FBXW7: variants seen among roughly 807,000 people sequenced by gnomAD.
The protein encoded by FBXW7 is F-box and WD repeat domain containing 7, also known as F-box/WD repeat-containing protein 7.
FBXW7 carries 11 observed loss-of-function variants against 86.3 expected under a neutral mutation model. The observed-to-expected ratio is 0.13, with a 90% CI of 0.08 to 0.21. The LOEUF is 0.21. FBXW7 is among the 10% of genes least tolerant of loss of function. FBXW7 has a pLI of 1.00. For missense variants in FBXW7, 488 were observed against 847.4 expected (o/e 0.58, Z 5.27); for synonymous variants, 313 against 297.9 (o/e 1.05, Z -0.52).
intron 2 of FBXW7, among the ~76,000 whole-genome samples, chr4:152,471,692 A>T (rs1350050881): frequency 6.6e-6 from 1 of 152,128 alleles, no homozygotes; most frequent in Non-Finnish European, 1.5e-5. Context: ...TGAGGCCAGG[A>T]GTCCGAGATT....
At chr4:152,523,666 A>T (rs1749229669) in intron 2 of FBXW7, among the ~76,000 whole-genome samples, 1 of 152,202 alleles carries the variant, frequency 6.6e-6, no homozygotes, top group Non-Finnish European at 1.5e-5. Flanking sequence ...AGTCTATGAT[A>T]CGCTTTTAGG....
At chr4:152,435,174 T>C (rs1193274908) in intron 2 of FBXW7, among the ~76,000 whole-genome samples, 1 of 151,536 alleles carries the variant, frequency 6.6e-6, no homozygotes, top group Admixed American at 6.6e-5. Context: ...GACATACTTC[T>C]TCATAATCAC....
chr4:152,351,519 T>G (rs1731813655), intron 4 of FBXW7, among the ~76,000 whole-genome samples: 1 of 152,102 alleles, frequency 6.6e-6, no homozygotes, highest in Non-Finnish European at 1.5e-5. Context: ...CCAAATAATT[T>G]TATTAAAAAG....
chr4:152,465,550 A>ATAT (rs1743327403), intron 2 of FBXW7, among the ~76,000 whole-genome samples: 1 of 152,174 alleles, frequency 6.6e-6, no homozygotes, highest in African/African-American at 2.4e-5. Flanking sequence ...GTATAGAACA[A>ATAT]TATTACCCAT....
At chr4:152,416,495 C>T (rs1233797109) in intron 2 of FBXW7, among the ~76,000 whole-genome samples, 2 of 152,090 alleles carry the variant, frequency 1.3e-5, no homozygotes, top group East Asian at 3.8e-4. Context: ...ATTAATACTT[C>T]GAAAACAATT....
chr4:152,423,035 A>C (rs1054994105), intron 2 of FBXW7, among the ~76,000 whole-genome samples: 3 of 152,060 alleles, frequency 2.0e-5, no homozygotes, highest in Non-Finnish European at 4.4e-5. Flanking sequence ...TGGTCTCTTT[A>C]TTTGTGGCAA....
chr4:152,482,647 T>A (rs1744986030), intron 2 of FBXW7, among the ~76,000 whole-genome samples: 5 of 152,178 alleles, frequency 3.3e-5, no homozygotes, highest in Admixed American at 3.3e-4. Flanking sequence ...CCATTGCTAC[T>A]GAGATTGTCC....
At chr4:152,474,798 T>C (rs952386854) in intron 2 of FBXW7, among the ~76,000 whole-genome samples, 4 of 152,166 alleles carry the variant, frequency 2.6e-5, no homozygotes, top group Non-Finnish European at 5.9e-5. Flanking sequence ...CTCAAGTAGC[T>C]GGGACTACAG....
intron 4 of FBXW7, among the ~76,000 whole-genome samples, chr4:152,405,650 C>G (rs1457809681): frequency 1.3e-5 from 2 of 152,126 alleles, no homozygotes; most frequent in African/African-American, 4.8e-5. Context: ...AACAGAAGCC[C>G]AAGCAAAAAT....
chr4:152,382,503 T>C (rs1735183174), intron 4 of FBXW7: 1 of 1,193,208 alleles, frequency 8.4e-7, no homozygotes, highest in African/African-American at 1.6e-5. Context: ...CCAAATGTCC[T>C]GACCTGTCTG....
intron 2 of FBXW7, among the ~76,000 whole-genome samples, chr4:152,490,986 T>A (rs761303076): frequency 2.0e-5 from 3 of 152,196 alleles, no homozygotes; most frequent in South Asian, 4.1e-4. Flanking sequence ...AAGAGGTGAT[T>A]TAGAATATTC....
At chr4:152,471,334 A>C (rs930810855) in intron 2 of FBXW7, among the ~76,000 whole-genome samples, 1 of 151,774 alleles carries the variant, frequency 6.6e-6, no homozygotes, top group African/African-American at 2.4e-5. Context: ...ATTACAAACA[A>C]ACAATTTCAT....
chr4:152,351,777 C>A (rs776030091), intron 4 of FBXW7, among the ~76,000 whole-genome samples: 1 of 151,994 alleles, frequency 6.6e-6, no homozygotes, highest in Non-Finnish European at 1.5e-5. Flanking sequence ...TCCCAGGATA[C>A]CTTGTAAAAA....
intron 2 of FBXW7, among the ~76,000 whole-genome samples, chr4:152,462,162 T>A (rs959295333): frequency 3.3e-5 from 5 of 152,152 alleles, no homozygotes; most frequent in Non-Finnish European, 7.4e-5. Context: ...GTGAAGGAAA[T>A]GGGCAGAGAT....
intron 2 of FBXW7, among the ~76,000 whole-genome samples, chr4:152,474,330 G>C (rs979985110): frequency 2.0e-5 from 3 of 152,190 alleles, no homozygotes; most frequent in African/African-American, 7.2e-5. Flanking sequence ...TTTAAATCTA[G>C]CATGTTTAGA....
intron 4 of FBXW7, chr4:152,382,457 C>T (rs1264285321): frequency 2.4e-6 from 3 of 1,227,504 alleles, no homozygotes; most frequent in African/African-American, 1.6e-5. Context: ...GCTGAGAACC[C>T]AAGGCCTGCT....
Position 152,399,736 on chromosome 4 carries a change from G to A in FBXW7, c.501+11567C>T, listed in dbSNP as rs1002585823. ...CAGCCCCCTGAAATAAAATATTTAG[G>A]GATGAATCTAATAAAATATGTATAA... On this transcript the variant is annotated intron_variant, in intron 4 of 13. Coordinates refer to ENST00000281708, the MANE Select transcript of FBXW7 (RefSeq NM_001349798.2). Among the ~76,000 whole-genome samples, 109 of 151,922 alleles carry A rather than the reference G, an allele frequency of 7.2e-4. 1 individual carries two copies. Among genetic ancestry groups the A allele is most frequent in the African/African-American group, 2.6e-3 (108 of 41,392 alleles).
At chr4:152,412,083 AAAC>A (rs1738018229) in intron 3 of FBXW7, among the ~76,000 whole-genome samples, 1 of 152,208 alleles carries the variant, frequency 6.6e-6, no homozygotes, top group African/African-American at 2.4e-5. Context: ...AAACCATAGT[AAAC>A]AACACTAATC....
chr4:152,417,822 AC>A (rs1041753783), intron 2 of FBXW7, among the ~76,000 whole-genome samples: 2 of 151,698 alleles, frequency 1.3e-5, no homozygotes, highest in African/African-American at 4.8e-5. Flanking sequence ...CATGGCAACC[AC>A]CCCTGGCCTT....
Sources: gnomAD v4.1 joint callset for allele counts (sites outside exome capture counted in the v4.1 genomes callset) on GRCh38, gnomAD v4.1.1 for gene constraint, MANE v1.5 for transcripts, NCBI Gene and HGNC (gene_info 2026-07-23, HGNC 2026-07-21) for gene names.